Variants in AFF1 observed in about 807,000 individuals in gnomAD.
The protein encoded by AFF1 is ALF transcription elongation factor 1.
A neutral mutation model predicts 121.7 loss-of-function variants in AFF1; 48 were observed. That is an observed-to-expected ratio of 0.39 (90% CI 0.31 to 0.50). The LOEUF (loss-of-function observed/expected upper bound fraction) is 0.50, where lower values mean the gene tolerates loss of function less well. Ranked by LOEUF, AFF1 falls within the 20% of genes least tolerant of loss-of-function variation. The pLI, the probability that AFF1 is intolerant of heterozygous loss-of-function variation, is 0.76. For synonymous variants in AFF1, 613 were observed against 563.0 expected, an observed-to-expected ratio of 1.09 and a Z score of -1.26; for missense variants, 1,523 against 1,511.7, an observed-to-expected ratio of 1.01 and a Z score of -0.12.
chr4:86,944,774 C>G (rs1353403568), intron 1 of AFF1, among the ~76,000 whole-genome samples: 3 of 152,192 alleles, frequency 2.0e-5, no homozygotes, highest in African/African-American at 7.2e-5. Flanking sequence ...TTGAAAACAT[C>G]TTGAGTCACT....
chr4:87,108,326 C>A lies in AFF1; in HGVS notation c.1533+11C>A. ...ACCCCAGCTCCGGAGGTACCGTGTT[C>A]CCCCTCGAGATGGCCACCTTAGATG... On this transcript the variant is annotated intron_variant, in intron 11 of 20. Transcript: ENST00000395146. 6.2e-7 allele frequency: 1 copy of A among 1,611,040 alleles called. No homozygotes were observed. The highest frequency in any genetic ancestry group is 8.5e-7 in the Non-Finnish European group (1 of 1,179,500).
chr4:87,115,140 G>C lies in AFF1; in HGVS notation c.2307G>C (p.Met769Ile). 1 of 1,614,192 alleles carries C rather than the reference G, an allele frequency of 6.2e-7. No individual in the cohort carries two copies. The highest frequency in any genetic ancestry group is 8.5e-7 in the Non-Finnish European group (1 of 1,180,048). The stretch of plus-strand genomic sequence containing the variant: ...ACACTCCTCCCCCACAAAGCTTGAT[G>C]GTGAAGATCACCCTAGACCTGCTCT... ...LRDTPPPQSL[M>I]VKITLDLLSR... Residue 769 changes from methionine to isoleucine, a missense_variant, in exon 12 of 21, where the codon ATG (methionine) becomes ATC (isoleucine). Coordinates refer to ENST00000395146, the MANE Select transcript of AFF1 (RefSeq NM_001166693.3).
Position 87,137,076 on chromosome 4 carries a change from G to A in AFF1, c.*1375G>A, listed in dbSNP as rs769096383. 72 of 224,520 alleles carry A rather than the reference G, an allele frequency of 3.2e-4. No individual in the cohort carries two copies. The highest frequency in any genetic ancestry group is 5.8e-4 in the Non-Finnish European group (65 of 112,552). 13.9% of individuals were successfully genotyped at this position (224,520 alleles called of 1,614,324 possible). ...GAAATCCCATGTGCCCATAAGCACA[G>A]ATTTTTCTTTTTCATTGAAACTTTA... On this transcript the variant is annotated 3_prime_UTR_variant, in exon 21 of 21. Coordinates refer to ENST00000395146, the MANE Select transcript of AFF1 (RefSeq NM_001166693.3).
intron 2 of AFF1, among the ~76,000 whole-genome samples, chr4:87,030,982 G>A (rs897485953): frequency 1.3e-5 from 2 of 152,236 alleles, no homozygotes; most frequent in East Asian, 1.9e-4. Flanking sequence ...TTCATTTCCC[G>A]AAAACTGACA....
chr4:86,955,473 C>G (rs1171773365), intron 2 of AFF1, among the ~76,000 whole-genome samples: 4 of 152,188 alleles, frequency 2.6e-5, no homozygotes, highest in African/African-American at 9.7e-5. Flanking sequence ...CCCCTTCTTA[C>G]TCTTTTGTAT....
intron 2 of AFF1, among the ~76,000 whole-genome samples, chr4:87,038,400 G>A (rs1729777079): frequency 6.6e-6 from 1 of 152,146 alleles, no homozygotes; most frequent in Non-Finnish European, 1.5e-5. Context: ...ATTGTATTTG[G>A]AAGTCAAACT....
chr4:87,017,964 C>G (rs1354246907), intron 2 of AFF1, among the ~76,000 whole-genome samples: 2 of 151,174 alleles, frequency 1.3e-5, no homozygotes, highest in African/African-American at 4.9e-5. Context: ...CTGTGAGGCT[C>G]TGGCTAGAAG....
chr4:87,056,107 G>C (rs958959512), intron 4 of AFF1, among the ~76,000 whole-genome samples: 1 of 151,238 alleles, frequency 6.6e-6, no homozygotes, highest in Non-Finnish European at 1.5e-5. Flanking sequence ...TCCTAACCCC[G>C]TGGTAATTTG....
At chr4:87,079,934 A>G (rs1228553005) in intron 4 of AFF1, among the ~76,000 whole-genome samples, 1 of 152,218 alleles carries the variant, frequency 6.6e-6, no homozygotes, top group Non-Finnish European at 1.5e-5. Context: ...CTCCCAAGCT[A>G]ATAATGGTGC....
At chr4:87,130,173 G>A (rs770140931) in intron 16 of AFF1, among the ~76,000 whole-genome samples, 17 of 151,740 alleles carry the variant, frequency 1.1e-4, no homozygotes, top group East Asian at 5.8e-4. Context: ...GGATTTTGCC[G>A]TGTTGGCCAG....
intron 2 of AFF1, among the ~76,000 whole-genome samples, chr4:86,987,831 T>C (rs535725896): frequency 6.6e-6 from 1 of 151,956 alleles, no homozygotes; most frequent in African/African-American, 2.4e-5. Flanking sequence ...CACACGCTCG[T>C]AGTCCCAGGT....
In AFF1 at chr4:87,114,825, C is replaced by T. The variant is rs766200337; in HGVS notation, c.1992C>T (p.Asn664=). 2.0e-5 allele frequency: 32 copies of T among 1,613,662 alleles called. 1 individual carries two copies. The highest frequency in any genetic ancestry group is 1.0e-4 in the Admixed American group (6 of 59,946). Residue 664 remains asparagine (N), a synonymous_variant, in exon 12 of 21, where the codon AAC becomes AAT. Coordinates refer to ENST00000395146, the MANE Select transcript of AFF1 (RefSeq NM_001166693.3). ...TKGRPRAAAS[N]EPKPAVPPSS... is the part of the protein sequence containing the mutation. ...GACGGCCCCGGGCCGCAGCAAGCAA[C>T]GAACCCAAGCCAGCAGTGCCCCCCT...
chr4:87,007,224 G>A, intron 2 of AFF1: 1 of 1,456,426 alleles, frequency 6.9e-7, no homozygotes, highest in Non-Finnish European at 9.0e-7. Context: ...GCCAATACGG[G>A]CCGAGCCCGG....
In AFF1 at chr4:87,047,237, C is replaced by T; in HGVS notation, c.702C>T (p.Ser234=). The change falls in exon 4 of 21, where the codon AGC becomes AGT. Residue 234 remains serine (S), a synonymous_variant. Transcript: ENST00000395146. ...NQQTLPRTQG[S]SKVHGSSNNS... ...AAACTCTTCCCCGGACGCAAGGAAGCAGCAAGGTTCATGGCAGCAGCAATA... is the reference window on the plus strand; with the variant it reads ...AAACTCTTCCCCGGACGCAAGGAAGTAGCAAGGTTCATGGCAGCAGCAATA... 6.2e-7 allele frequency: 1 copy of T among 1,614,192 alleles called. No homozygotes were observed. The highest frequency in any genetic ancestry group is 1.6e-4 in the Middle Eastern group (1 of 6,062).
intron 2 of AFF1, among the ~76,000 whole-genome samples, chr4:86,953,250 C>T (rs1721500983): frequency 6.6e-6 from 1 of 152,014 alleles, no homozygotes; most frequent in Admixed American, 6.6e-5. Flanking sequence ...CTTTAAAAAG[C>T]TCTATTTTTA....
chr4:87,022,543 G>GATATATATATATATATATATATATAT (rs1156817444), intron 2 of AFF1, among the ~76,000 whole-genome samples: 1 of 80,172 alleles, frequency 1.2e-5, no homozygotes, highest in African/African-American at 4.2e-5. Context: ...CGTGCTTACA[G>GATATATATATATATATATATATATAT]ATATATATAT....
chr4:86,976,040 A>G (rs139286040), intron 2 of AFF1, among the ~76,000 whole-genome samples: 145 of 152,312 alleles, frequency 9.5e-4, no homozygotes, highest in African/African-American at 3.2e-3. Flanking sequence ...AGAAGTGTAA[A>G]TGTAAATGAA....
intron 2 of AFF1, among the ~76,000 whole-genome samples, chr4:86,965,476 G>A (rs1722471303): frequency 6.6e-6 from 1 of 152,206 alleles, no homozygotes. Flanking sequence ...AAAGGGAAGT[G>A]AAGGGTATAG....
intron 4 of AFF1, among the ~76,000 whole-genome samples, chr4:87,070,554 C>T (rs943003076): frequency 1.3e-5 from 2 of 152,360 alleles, no homozygotes; most frequent in South Asian, 4.1e-4. Context: ...AGCTTCTCAG[C>T]CTAAATATGA....
Sources: allele counts gnomAD v4.1 joint callset (sites outside exome capture counted in the v4.1 genomes callset), GRCh38; gene constraint gnomAD v4.1.1; transcripts MANE v1.5; gene names NCBI Gene and HGNC (gene_info 2026-07-23, HGNC 2026-07-21).